Variants in DAB1 observed in about 807,000 individuals in gnomAD.
The protein encoded by DAB1 is disabled homolog 1.
In DAB1, 15 loss-of-function variants were observed where a neutral mutation model predicts 64.6. The ratio of observed to expected loss-of-function variants is 0.23; its 90% confidence interval spans 0.16 to 0.36. The LOEUF (loss-of-function observed/expected upper bound fraction) is 0.36, where lower values mean the gene tolerates loss of function less well. DAB1 is among the 10% of genes least tolerant of loss of function. DAB1 has a pLI of 1.00. For synonymous variants in DAB1, 235 were observed against 251.9 expected (o/e 0.93, Z 0.64); for missense variants, 596 against 706.7 (o/e 0.84, Z 1.78).
chr1:58,477,945 T>C (rs933796563), intron 3 of DAB1, among the ~76,000 whole-genome samples: 1 of 152,152 alleles, frequency 6.6e-6, no homozygotes, highest in African/African-American at 2.4e-5. Context: ...CCGTGATCTA[T>C]AATAGGGCAT....
At chr1:58,304,100 G>T (rs1662242940) in intron 4 of DAB1, among the ~76,000 whole-genome samples, 1 of 152,092 alleles carries the variant, frequency 6.6e-6, no homozygotes. Flanking sequence ...AAAAATTCAT[G>T]ATTCCAGAGC....
intron 3 of DAB1, among the ~76,000 whole-genome samples, chr1:58,457,346 C>CAGGCACG (rs1439000707): frequency 3.3e-5 from 5 of 152,150 alleles, no homozygotes; most frequent in Non-Finnish European, 7.4e-5. Flanking sequence ...GCTGGAAAGA[C>CAGGCACG]AGGCACGGTA....
chr1:58,251,606 T>G (rs1480160422), intron 4 of DAB1, among the ~76,000 whole-genome samples: 2 of 152,096 alleles, frequency 1.3e-5, no homozygotes, highest in Non-Finnish European at 2.9e-5. Context: ...TGTGTTTGAA[T>G]AGCAGAAGGA....
chr1:57,011,317 G>A, intron 12 of DAB1, 45 bp from the exon 13 acceptor site: 1 of 1,598,230 alleles, frequency 6.3e-7, no homozygotes. Context: ...GTGCCTGGCT[G>A]CCATGAATGT....
At position 57,835,543 on chromosome 1, in the gene DAB1, G is replaced by A. The variant is rs77098198; in HGVS notation, n.88-9088C>T. 1.2e-3 allele frequency among the ~76,000 whole-genome samples: 184 copies of A among 152,182 alleles called. 3 individuals are homozygous for A. The East Asian group carries it at 0.017, about 14-fold the overall frequency. On this transcript the variant is annotated intron_variant and non_coding_transcript_variant, in intron 1 of 1. Coordinates refer to the DAB1 transcript ENST00000477280. ...GGGGACCAGAGAGTCCAGGTGACTC[G>A]GCCAAGGTCACCCAGCAAGTTGTTG...
upstream of DAB1, among the ~76,000 whole-genome samples, chr1:57,888,832 G>A (rs1309451138): frequency 6.6e-6 from 1 of 152,154 alleles, no homozygotes; most frequent in Non-Finnish European, 1.5e-5. Flanking sequence ...TATTTTACTT[G>A]TCAAATTAGT....
At chr1:57,426,859 A>AATATATATATATATATATAT (rs998763894), upstream of DAB1, among the ~76,000 whole-genome samples, 36 of 122,862 alleles carry the variant, frequency 2.9e-4, no homozygotes, top group Middle Eastern at 8.6e-3. Context: ...TAAATGAGAT[A>AATATATATATATATATATAT]ATATATATAT....
intron 2 of DAB1, among the ~76,000 whole-genome samples, chr1:57,221,546 G>T (rs1485574512): frequency 6.6e-6 from 1 of 151,818 alleles, no homozygotes; most frequent in East Asian, 1.9e-4. Flanking sequence ...ACAAAACTAT[G>T]ATACTCTGGA....
Position 57,278,920 on chromosome 1 carries a change from T to C in DAB1, c.67+12044A>G, listed in dbSNP as rs61767367. On this transcript the variant is annotated intron_variant, in intron 2 of 14. Coordinates refer to ENST00000371236, the MANE Select transcript of DAB1 (RefSeq NM_001365792.1). ...AGCTACCTCATAGGAATGATCTGAA[T>C]GAGAAAACAGATATAAAGGTTTGAA... Among the ~76,000 whole-genome samples, 1,255 of 152,334 alleles carry C rather than the reference T, an allele frequency of 8.2e-3. 32 individuals carry two copies. The highest frequency in any genetic ancestry group is 0.081 in the East Asian group (422 of 5,180).
intron 4 of DAB1, among the ~76,000 whole-genome samples, chr1:58,322,927 C>A (rs911976982): frequency 6.6e-6 from 1 of 152,096 alleles, no homozygotes; most frequent in Non-Finnish European, 1.5e-5. Context: ...AGAATGAGTT[C>A]ATGTCCTTTG....
chr1:58,396,130 A>C (rs1370024203), intron 3 of DAB1, among the ~76,000 whole-genome samples: 7 of 81,450 alleles, frequency 8.6e-5, no homozygotes, highest in African/African-American at 2.3e-4. Context: ...CAGGGGAGGG[A>C]GGGGAGGGGG....
In DAB1 at chr1:57,327,785, G is replaced by A. The variant is rs559161366; in HGVS notation, c.-136-36619C>T. Among the ~76,000 whole-genome samples, 7 of 152,224 alleles carry A rather than the reference G, an allele frequency of 4.6e-5. No individual in the cohort carries two copies. The East Asian group carries it at 1.4e-3, about 29-fold the overall frequency. On this transcript the variant is annotated intron_variant, in intron 1 of 14. Coordinates refer to ENST00000371236, the MANE Select transcript of DAB1 (RefSeq NM_001365792.1). Reference sequence around the variant, plus strand: ...ACGGTGGCCTCTTGAGATTTGAGCGGCCAAATCAATTCCTTTGCCAGAGTT... The same window carrying A: ...ACGGTGGCCTCTTGAGATTTGAGCGACCAAATCAATTCCTTTGCCAGAGTT...
At chr1:57,344,751 T>C (rs1471835750) in intron 1 of DAB1, among the ~76,000 whole-genome samples, 1 of 152,096 alleles carries the variant, frequency 6.6e-6, no homozygotes, top group Non-Finnish European at 1.5e-5. Context: ...TCACAGACTT[T>C]GGGGCACACA....
intron 5 of DAB1, among the ~76,000 whole-genome samples, chr1:58,081,332 A>G (rs1649984340): frequency 6.6e-6 from 1 of 152,230 alleles, no homozygotes; most frequent in African/African-American, 2.4e-5. Flanking sequence ...ATTTAAAGCA[A>G]TGAAGATTTT....
intron 6 of DAB1, among the ~76,000 whole-genome samples, chr1:57,793,113 T>C (rs1365024488): frequency 6.6e-6 from 1 of 152,188 alleles, no homozygotes; most frequent in Non-Finnish European, 1.5e-5. Flanking sequence ...GTGAATTCAT[T>C]AAGCAATTTT....
At chr1:57,242,868 C>A (rs1668593792) in intron 2 of DAB1, among the ~76,000 whole-genome samples, 1 of 152,208 alleles carries the variant, frequency 6.6e-6, no homozygotes, top group Non-Finnish European at 1.5e-5. Flanking sequence ...TGTAGACAGT[C>A]TCCATTCGTC....
At chr1:57,950,483 A>G (rs11207135) in intron 5 of DAB1, among the ~76,000 whole-genome samples, 62,477 of 151,994 alleles carry the variant, frequency 0.41, 14,037 homozygotes, top group Admixed American at 0.51. Context: ...CATTGTCCAC[A>G]GGGGATACTT....
chr1:57,128,102 G>A (rs1401094783), intron 4 of DAB1, among the ~76,000 whole-genome samples: 2 of 151,648 alleles, frequency 1.3e-5, no homozygotes, highest in Admixed American at 6.6e-5. Context: ...AACAGAGATC[G>A]TGCCATGGCA....
chr1:58,460,730 T>TAATG (rs1645235988), intron 3 of DAB1, among the ~76,000 whole-genome samples: 1 of 152,232 alleles, frequency 6.6e-6, no homozygotes, highest in Non-Finnish European at 1.5e-5. Context: ...ACAGTGTGTA[T>TAATG]AATGATTCAT....
Sources: allele counts gnomAD v4.1 joint callset (sites outside exome capture counted in the v4.1 genomes callset), GRCh38; gene constraint gnomAD v4.1.1; transcripts MANE v1.5; gene names NCBI Gene and HGNC (gene_info 2026-07-23, HGNC 2026-07-21).